AGBL1: variants seen among roughly 807,000 people sequenced by gnomAD.
AGBL1 encodes cytosolic carboxypeptidase 4.
AGBL1 carries 130 observed loss-of-function variants against 118.9 expected under a neutral mutation model. The observed-to-expected ratio is 1.09, with a 90% confidence interval of 0.95 to 1.26. AGBL1 has a LOEUF of 1.26. Among genes scored for constraint, AGBL1 ranks in the 50% most tolerant of loss-of-function variants. The probability of loss-of-function intolerance (pLI) is 0.00; values close to 1 mark genes in which losing one functional copy is unlikely to be tolerated. For synonymous variants in AGBL1, 555 were observed against 478.9 expected, an observed-to-expected ratio of 1.16 and a Z score of -2.08; for missense variants, 1,584 against 1,298.1, an observed-to-expected ratio of 1.22 and a Z score of -3.38.
At chr15:86,930,202 T>C (rs1307339274) in intron 23 of AGBL1, among the ~76,000 whole-genome samples, 1 of 152,166 alleles carries the variant, frequency 6.6e-6, no homozygotes, top group Non-Finnish European at 1.5e-5. Flanking sequence ...CCTATATCCT[T>C]GTTCCAGTTA....
intron 22 of AGBL1, among the ~76,000 whole-genome samples, chr15:86,772,786 C>A (rs371738000): frequency 1.3e-5 from 2 of 151,952 alleles, no homozygotes; most frequent in Non-Finnish European, 2.9e-5. Context: ...GCTGCTGATA[C>A]GTACAATAAG....
chr15:86,977,522 A>T (rs1457062057), intron 23 of AGBL1, among the ~76,000 whole-genome samples: 1 of 151,762 alleles, frequency 6.6e-6, no homozygotes, highest in African/African-American at 2.4e-5. Flanking sequence ...TTATATATTG[A>T]AAAAAAGCTG....
At chr15:86,487,212 A>G (rs995854904) in intron 18 of AGBL1, among the ~76,000 whole-genome samples, 7 of 152,054 alleles carry the variant, frequency 4.6e-5, no homozygotes, top group South Asian at 4.1e-4. Context: ...GGAGATGGCC[A>G]CAGGGTGCAG....
chr15:86,702,423 G>A (rs1036204337), intron 22 of AGBL1, among the ~76,000 whole-genome samples: 1 of 152,050 alleles, frequency 6.6e-6, no homozygotes. Context: ...TATATAGTAG[G>A]TGCTCAATAA....
At chr15:86,396,205 A>G (rs1596063330) in intron 17 of AGBL1, among the ~76,000 whole-genome samples, 1 of 145,170 alleles carries the variant, frequency 6.9e-6, no homozygotes, top group East Asian at 2.0e-4. Flanking sequence ...ATAAAATCAT[A>G]TACGTGTGTG....
intron 5 of AGBL1, among the ~76,000 whole-genome samples, chr15:86,223,976 A>C (rs1189955981): frequency 6.6e-6 from 1 of 152,108 alleles, no homozygotes; most frequent in African/African-American, 2.4e-5. Flanking sequence ...GTGCAGCGAG[A>C]TTCCTGGGAT....
At chr15:86,257,467 C>G (rs971537304) in intron 8 of AGBL1, among the ~76,000 whole-genome samples, 1 of 152,184 alleles carries the variant, frequency 6.6e-6, no homozygotes, top group Non-Finnish European at 1.5e-5. Context: ...GAAGATCTTC[C>G]TGTCAAAAGA....
chr15:86,467,715 G>T (rs1466607135), intron 18 of AGBL1, among the ~76,000 whole-genome samples: 1 of 152,124 alleles, frequency 6.6e-6, no homozygotes, highest in African/African-American at 2.4e-5. Flanking sequence ...GGCTTCCCTT[G>T]GCTAGGTAGG....
chr15:86,465,109 G>A (rs1419216089), intron 18 of AGBL1, among the ~76,000 whole-genome samples: 2 of 152,192 alleles, frequency 1.3e-5, no homozygotes, highest in Non-Finnish European at 2.9e-5. Context: ...TGAAGCCATG[G>A]CAGAACATCA....
chr15:86,971,232 A>G (rs79971536), intron 23 of AGBL1, among the ~76,000 whole-genome samples: 1,550 of 152,110 alleles, frequency 0.01, 56 homozygotes, highest in East Asian at 0.026. Context: ...TCATACTTGG[A>G]TGTAGATGAA....
chr15:86,306,409 C>A (rs1404172560), intron 17 of AGBL1, among the ~76,000 whole-genome samples: 1 of 152,116 alleles, frequency 6.6e-6, no homozygotes, highest in Non-Finnish European at 1.5e-5. Flanking sequence ...TGAGAACATG[C>A]AATATTTGTC....
intron 22 of AGBL1, among the ~76,000 whole-genome samples, chr15:86,869,590 A>C (rs1043294155): frequency 3.9e-5 from 6 of 152,142 alleles, no homozygotes; most frequent in African/African-American, 1.4e-4. Context: ...TGTAGATCCG[A>C]TATGTGGATA....
chr15:86,832,935 A>T (rs562914612), intron 22 of AGBL1, among the ~76,000 whole-genome samples: 1 of 152,176 alleles, frequency 6.6e-6, no homozygotes, highest in Non-Finnish European at 1.5e-5. Flanking sequence ...GGTTTAATGG[A>T]CTCACATTTC....
chr15:86,496,429 C>A (rs1305582646), intron 18 of AGBL1, among the ~76,000 whole-genome samples: 1 of 151,970 alleles, frequency 6.6e-6, no homozygotes, highest in Non-Finnish European at 1.5e-5. Flanking sequence ...TTCTGATAAT[C>A]TGTTTTAAGT....
chr15:86,299,955 CT>C (rs2079720090), intron 17 of AGBL1: 1 of 152,042 alleles, frequency 6.6e-6, no homozygotes, highest in Non-Finnish European at 1.5e-5. Context: ...ATGATTCTAC[CT>C]TTGCCCAGAC....
intron 3 of AGBL1, among the ~76,000 whole-genome samples, chr15:86,144,240 A>T (rs1055628497): frequency 2.6e-5 from 4 of 152,226 alleles, no homozygotes; most frequent in Non-Finnish European, 5.9e-5. Flanking sequence ...TAGTTCCACC[A>T]TTGTGGAAAA....
intron 18 of AGBL1, among the ~76,000 whole-genome samples, chr15:86,490,116 C>T (rs944855684): frequency 2.6e-5 from 4 of 152,206 alleles, no homozygotes; most frequent in Non-Finnish European, 5.9e-5. Flanking sequence ...GCAGCTATGA[C>T]GTCCCGCTGA....
intron 17 of AGBL1, among the ~76,000 whole-genome samples, chr15:86,357,119 A>T (rs1177631781): frequency 3.3e-5 from 5 of 152,164 alleles, no homozygotes; most frequent in Non-Finnish European, 7.4e-5. Flanking sequence ...TTGGAACATG[A>T]TTGTTATCTT....
At chr15:86,799,024 T>C (rs1365807858) in intron 22 of AGBL1, among the ~76,000 whole-genome samples, 1 of 152,006 alleles carries the variant, frequency 6.6e-6, no homozygotes, top group African/African-American at 2.4e-5. Flanking sequence ...GGAATATCCT[T>C]CGTTCAATAC....
Sources: allele counts gnomAD v4.1 joint callset (sites outside exome capture counted in the v4.1 genomes callset), GRCh38; gene constraint gnomAD v4.1.1; transcripts MANE v1.5; gene names NCBI Gene and HGNC (gene_info 2026-07-23, HGNC 2026-07-21).